LRP1B: variants seen among roughly 807,000 people sequenced by gnomAD.
The protein encoded by LRP1B is LDL receptor related protein 1B.
Under a neutral mutation model 556.6 loss-of-function variants are expected in LRP1B, and 217 were observed. The observed-to-expected ratio is 0.39, with a 90% CI of 0.35 to 0.44. The LOEUF (loss-of-function observed/expected upper bound fraction) is 0.44, where lower values mean the gene tolerates loss of function less well. Among genes scored for constraint, LRP1B ranks in the 20% least tolerant of loss-of-function variants. The pLI, the probability that LRP1B is intolerant of heterozygous loss-of-function variation, is 1.00. For missense variants in LRP1B, 5,053 were observed against 5,620.8 expected (o/e 0.90, Z 3.23); for synonymous variants, 2,047 against 1,865.8 (o/e 1.10, Z -2.50).
At chr2:141,923,806 C>A (rs1482208073) in intron 1 of LRP1B, among the ~76,000 whole-genome samples, 2 of 151,866 alleles carry the variant, frequency 1.3e-5, no homozygotes, top group Non-Finnish European at 2.9e-5. Context: ...ACAGTCATTT[C>A]TTTCCCTTTC....
At chr2:140,348,757 T>C (rs1238848111) in intron 77 of LRP1B, among the ~76,000 whole-genome samples, 3 of 152,076 alleles carry the variant, frequency 2.0e-5, no homozygotes, top group Non-Finnish European at 4.4e-5. Flanking sequence ...ATATAAATAT[T>C]CAAGTAAAAT....
chr2:141,274,638 GC>G (rs1685215989), intron 3 of LRP1B, among the ~76,000 whole-genome samples: 1 of 152,046 alleles, frequency 6.6e-6, no homozygotes, highest in South Asian at 2.1e-4. Context: ...AGTGATGGTT[GC>G]ACAACTATAA....
At chr2:141,712,335 G>A (rs1024373587) in intron 2 of LRP1B, among the ~76,000 whole-genome samples, 27 of 151,472 alleles carry the variant, frequency 1.8e-4, no homozygotes, top group South Asian at 4.2e-4. Flanking sequence ...CCAGTATCAC[G>A]TCAACTGTAC....
intron 2 of LRP1B, among the ~76,000 whole-genome samples, chr2:141,561,359 G>A (rs1194299646): frequency 6.6e-6 from 1 of 151,664 alleles, no homozygotes; most frequent in African/African-American, 2.4e-5. Flanking sequence ...TACAGAGAAA[G>A]GTCTGGGCCT....
At chr2:141,765,993 G>A (rs897999266) in intron 2 of LRP1B, among the ~76,000 whole-genome samples, 1 of 151,960 alleles carries the variant, frequency 6.6e-6, no homozygotes, top group Non-Finnish European at 1.5e-5. Flanking sequence ...ACTGTAAAAG[G>A]AGCACGTGAA....
chr2:142,124,890 C>CT (rs34470563), intron 1 of LRP1B, among the ~76,000 whole-genome samples: 6,041 of 146,762 alleles, frequency 0.041, 183 homozygotes, highest in Non-Finnish European at 0.048. Context: ...ACCAGTCTTA[C>CT]TTTTTTTTTT....
intron 41 of LRP1B, among the ~76,000 whole-genome samples, chr2:140,628,586 G>A (rs1389584145): frequency 6.6e-6 from 1 of 151,102 alleles, no homozygotes; most frequent in African/African-American, 2.4e-5. Flanking sequence ...CACTACAAAT[G>A]TGTAGATTTG....
chr2:141,376,673 A>C (rs1453798961), intron 3 of LRP1B, among the ~76,000 whole-genome samples: 3 of 152,218 alleles, frequency 2.0e-5, no homozygotes. Flanking sequence ...CAACATAGAA[A>C]ATTTAAAATG....
At chr2:140,272,837 A>C (rs1163297232) in intron 85 of LRP1B, among the ~76,000 whole-genome samples, 1 of 151,940 alleles carries the variant, frequency 6.6e-6, no homozygotes, top group East Asian at 1.9e-4. Context: ...TCCTAGTTTA[A>C]AAGTTCCACT....
intron 2 of LRP1B, among the ~76,000 whole-genome samples, chr2:141,807,183 C>A (rs566555827): frequency 1.3e-5 from 2 of 151,992 alleles, no homozygotes; most frequent in South Asian, 4.1e-4. Context: ...CAACACATTA[C>A]AAAGTACTGT....
At chr2:140,689,897 TG>T (rs1364029722) in intron 41 of LRP1B, among the ~76,000 whole-genome samples, 2 of 152,210 alleles carry the variant, frequency 1.3e-5, no homozygotes, top group Non-Finnish European at 2.9e-5. Flanking sequence ...TCTAACATGA[TG>T]TACTGGGGCA....
At chr2:142,103,031 CTT>C (rs1473343500) in intron 1 of LRP1B, among the ~76,000 whole-genome samples, 1 of 151,648 alleles carries the variant, frequency 6.6e-6, no homozygotes, top group Non-Finnish European at 1.5e-5. Flanking sequence ...GTGAAGGTGA[CTT>C]TGTATTTGGG....
intron 2 of LRP1B, among the ~76,000 whole-genome samples, chr2:141,743,501 C>CTTTTTTTTTTTTTTTTTT (rs796287062): frequency 1.5e-4 from 18 of 118,998 alleles, no homozygotes; most frequent in East Asian, 4.9e-4. Flanking sequence ...TTTTTTTTTT[C>CTTTTTTTTTTTTTTTTTT]TTTTTTTTTT....
intron 49 of LRP1B, among the ~76,000 whole-genome samples, chr2:140,520,021 GT>G (rs887728572): frequency 6.6e-6 from 1 of 152,030 alleles, no homozygotes; most frequent in Non-Finnish European, 1.5e-5. Flanking sequence ...TTTTGGGAGT[GT>G]TCAACCATTG....
intron 3 of LRP1B, among the ~76,000 whole-genome samples, chr2:141,415,076 G>T (rs111331566): frequency 6.6e-6 from 1 of 152,126 alleles, no homozygotes; most frequent in Non-Finnish European, 1.5e-5. Flanking sequence ...GTGCAGTGGC[G>T]CTATCTTGGC....
At position 141,735,627 on chromosome 2, in the gene LRP1B, T is replaced by C. The variant is rs73963569; in HGVS notation, c.205+74652A>G. 7.8e-3 allele frequency among the ~76,000 whole-genome samples: 1,182 copies of C among 152,252 alleles called. 21 individuals are homozygous for C. The highest frequency in any genetic ancestry group is 0.027 in the African/African-American group (1,132 of 41,568). On this transcript the variant is annotated intron_variant, in intron 2 of 90. Transcript: ENST00000389484. ...GAAGATAGAAGTAAAATGTGATCACTGTTACTAATCTATTTAGAATTTCAT... is the reference window on the plus strand; with the variant it reads ...GAAGATAGAAGTAAAATGTGATCACCGTTACTAATCTATTTAGAATTTCAT...
chr2:140,498,969 T>C (rs1470219948), intron 55 of LRP1B, among the ~76,000 whole-genome samples: 2 of 151,910 alleles, frequency 1.3e-5, no homozygotes, highest in Non-Finnish European at 2.9e-5. Context: ...TTTACATACT[T>C]AAAAACATCA....
At chr2:140,276,919 T>G (rs1056296480) in intron 84 of LRP1B, among the ~76,000 whole-genome samples, 1 of 152,054 alleles carries the variant, frequency 6.6e-6, no homozygotes, top group East Asian at 1.9e-4. Context: ...CCATGGGAAC[T>G]AGAAAATGTA....
intron 7 of LRP1B, among the ~76,000 whole-genome samples, chr2:141,185,224 G>A (rs1356503688): frequency 3.9e-5 from 6 of 152,030 alleles, no homozygotes; most frequent in African/African-American, 1.4e-4. Context: ...AACAAAGGCA[G>A]AAGAAATATC....
Sources: allele counts gnomAD v4.1 joint callset (sites outside exome capture counted in the v4.1 genomes callset), GRCh38; gene constraint gnomAD v4.1.1; transcripts MANE v1.5; gene names NCBI Gene and HGNC (gene_info 2026-07-23, HGNC 2026-07-21).